The following DSCAM variants were observed in gnomAD, a reference collection of about 807,000 sequenced individuals.
DSCAM encodes the protein DS cell adhesion molecule.
A neutral mutation model predicts 217.7 loss-of-function variants in DSCAM; 47 were observed. The observed-to-expected ratio is 0.22, with a 90% CI of 0.17 to 0.28. The LOEUF (loss-of-function observed/expected upper bound fraction) is 0.28, where lower values mean the gene tolerates loss of function less well. Ranked by LOEUF, DSCAM falls within the 10% of genes least tolerant of loss-of-function variation. The pLI is 1.00. For synonymous variants in DSCAM, 1,056 were observed against 1,015.3 expected, an observed-to-expected ratio of 1.04 and a Z score of -0.76; for missense variants, 2,080 against 2,618.3, an observed-to-expected ratio of 0.79 and a Z score of 4.49.
intron 32 of DSCAM, among the ~76,000 whole-genome samples, chr21:40,020,176 A>C (rs748378505): frequency 6.6e-6 from 1 of 152,144 alleles, no homozygotes; most frequent in South Asian, 2.1e-4. Flanking sequence ...ATGGCTTTAT[A>C]AGGGGTTGCC....
intron 3 of DSCAM, among the ~76,000 whole-genome samples, chr21:40,678,778 C>A (rs1422018130): frequency 6.6e-6 from 1 of 152,194 alleles, no homozygotes; most frequent in African/African-American, 2.4e-5. Flanking sequence ...ATGTGTATAA[C>A]CCTTTAGATA....
chr21:40,714,590 T>C (rs564325269), intron 1 of DSCAM, among the ~76,000 whole-genome samples: 13 of 152,358 alleles, frequency 8.5e-5, no homozygotes, highest in African/African-American at 2.9e-4. Flanking sequence ...ATGTCCATCC[T>C]GTTCCTGTCT....
chr21:40,042,311 G>A, intron 32 of DSCAM, 60 bp downstream of exon 32: 2 of 1,562,190 alleles, frequency 1.3e-6, no homozygotes, highest in South Asian at 1.2e-5. Flanking sequence ...AGCAGATGAG[G>A]GAGGACCAGG....
chr21:40,742,480 C>T (rs1312137612), intron 1 of DSCAM, among the ~76,000 whole-genome samples: 1 of 152,242 alleles, frequency 6.6e-6, no homozygotes, highest in African/African-American at 2.4e-5. Flanking sequence ...CATGGTCCTA[C>T]TGACACACTG....
At chr21:40,183,899 A>C (rs907370641) in intron 14 of DSCAM, among the ~76,000 whole-genome samples, 2 of 152,216 alleles carry the variant, frequency 1.3e-5, no homozygotes, top group Non-Finnish European at 2.9e-5. Flanking sequence ...AGATGTTGAG[A>C]GTCAACAATT....
chr21:40,258,342 G>A (rs1189032512), intron 11 of DSCAM, among the ~76,000 whole-genome samples: 7 of 152,170 alleles, frequency 4.6e-5, no homozygotes, highest in African/African-American at 1.4e-4. Context: ...ATTCTCAAAT[G>A]ACAGGAACAC....
At chr21:40,619,733 T>C (rs974689629) in intron 3 of DSCAM, among the ~76,000 whole-genome samples, 1 of 151,980 alleles carries the variant, frequency 6.6e-6, no homozygotes, top group African/African-American at 2.4e-5. Context: ...CTAGACTTAA[T>C]GAATTCATAT....
Position 40,403,387 on chromosome 21 carries a change from T to C in DSCAM, c.509-34142A>G, listed in dbSNP as rs533631696. On this transcript the variant is annotated intron_variant, in intron 3 of 32. Coordinates refer to ENST00000400454, the MANE Select transcript of DSCAM (RefSeq NM_001389.5). ...ATCTCAGCTCATTGCAACCTCTGCC[T>C]CCTGGGCTCAAGTGATCCTCCCACC... 1.1e-4 allele frequency among the ~76,000 whole-genome samples: 17 copies of C among 151,952 alleles called. No individual in the cohort carries two copies. In the East Asian group the frequency reaches 3.1e-3, roughly 28 times the overall value.
rs188964213 is a variant in DSCAM at position 40,473,122 on chromosome 21, T to C, written c.509-103877A>G. Among the ~76,000 whole-genome samples the C allele has an allele frequency of 8.3e-4, 126 of 152,318 alleles. 1 individual carries two copies. Among genetic ancestry groups the C allele is most frequent in the African/African-American group, 2.9e-3 (120 of 41,568 alleles). On this transcript the variant is annotated intron_variant, in intron 3 of 32. Transcript: ENST00000400454. ...CAGAGACCTTCCTAAAAAGCAGCCA[T>C]GGCAACTCAGTTTACCTGCAAGCAA... is the stretch of plus-strand genomic sequence containing the variant.
At chr21:40,614,121 G>A (rs1354619453) in intron 3 of DSCAM, among the ~76,000 whole-genome samples, 2 of 152,220 alleles carry the variant, frequency 1.3e-5, no homozygotes, top group Non-Finnish European at 2.9e-5. Context: ...CGGGGGCCCA[G>A]CCTAAGGTGG....
At chr21:40,724,006 T>A (rs17000253) in intron 1 of DSCAM, among the ~76,000 whole-genome samples, 7,143 of 152,278 alleles carry the variant, frequency 0.047, 233 homozygotes, top group African/African-American at 0.089. Context: ...ATTTCTAGAG[T>A]ACTACTTCCA....
chr21:40,505,278 A>AT (rs1239957773), intron 3 of DSCAM, among the ~76,000 whole-genome samples: 2 of 152,170 alleles, frequency 1.3e-5, no homozygotes, highest in African/African-American at 4.8e-5. Flanking sequence ...GAAAATGACA[A>AT]TTTTTTTGTT....
intron 3 of DSCAM, among the ~76,000 whole-genome samples, chr21:40,500,311 G>C (rs1191498403): frequency 6.6e-6 from 1 of 151,976 alleles, no homozygotes; most frequent in Non-Finnish European, 1.5e-5. Context: ...TGTTTTATGA[G>C]TAACATAGAC....
intron 3 of DSCAM, among the ~76,000 whole-genome samples, chr21:40,512,589 T>G (rs899107659): frequency 2.0e-5 from 3 of 152,190 alleles, no homozygotes; most frequent in Non-Finnish European, 4.4e-5. Context: ...GAGGTCAGAA[T>G]ATTCTTAGCA....
chr21:40,338,775 G>A (rs1045735008), intron 7 of DSCAM, among the ~76,000 whole-genome samples: 1 of 152,174 alleles, frequency 6.6e-6, no homozygotes, highest in Non-Finnish European at 1.5e-5. Flanking sequence ...TCACGTTGCA[G>A]CATGAATGTA....
At chr21:40,485,409 AT>A (rs1352525863) in intron 3 of DSCAM, among the ~76,000 whole-genome samples, 1 of 151,454 alleles carries the variant, frequency 6.6e-6, no homozygotes, top group East Asian at 1.9e-4. Flanking sequence ...CGCCCGGCTA[AT>A]TTTTTGTATT....
intron 3 of DSCAM, among the ~76,000 whole-genome samples, chr21:40,446,758 C>T (rs1174865499): frequency 6.6e-6 from 1 of 152,138 alleles, no homozygotes. Flanking sequence ...TATCTGTTTT[C>T]AACTTAAAGT....
intron 1 of DSCAM, among the ~76,000 whole-genome samples, chr21:40,718,156 CT>C (rs1601167368): frequency 1.3e-5 from 2 of 152,280 alleles, no homozygotes; most frequent in South Asian, 2.1e-4. Context: ...CAAAGAGAGC[CT>C]ACAAGACAGA....
Position 40,151,944 on chromosome 21 carries a change from T to G in DSCAM, c.3019-7213A>C, listed in dbSNP as rs188160464. ...CAATTTATTTGGACACTGTCATTCA[T>G]TTTTTTCCTTCTTAAAAGAAGGATT... On this transcript the variant is annotated intron_variant, in intron 16 of 32. Coordinates refer to ENST00000400454, the MANE Select transcript of DSCAM (RefSeq NM_001389.5). Among the ~76,000 whole-genome samples, 10 of 152,210 alleles carry G rather than the reference T, an allele frequency of 6.6e-5. No homozygotes were observed. The East Asian group carries it at 1.9e-3, about 29-fold the overall frequency.
Sources: allele counts gnomAD v4.1 joint callset (sites outside exome capture counted in the v4.1 genomes callset), GRCh38; gene constraint gnomAD v4.1.1; transcripts MANE v1.5; gene names NCBI Gene and HGNC (gene_info 2026-07-23, HGNC 2026-07-21).